ZBTB44: variants seen among roughly 807,000 people sequenced by gnomAD.
ZBTB44 encodes zinc finger and BTB domain-containing protein 44.
ZBTB44 carries 15 observed loss-of-function variants against 54.0 expected under a neutral mutation model. The observed-to-expected ratio is 0.28, with a 90% CI of 0.19 to 0.43. ZBTB44 has a LOEUF of 0.43. Among genes scored for constraint, ZBTB44 ranks in the 20% least tolerant of loss-of-function variants. ZBTB44 has a pLI of 1.00. For synonymous variants in ZBTB44, 230 were observed against 250.1 expected (o/e 0.92, Z 0.76); for missense variants, 487 against 707.1 (o/e 0.69, Z 3.53).
intron 2 of ZBTB44, among the ~76,000 whole-genome samples, chr11:130,256,506 T>A (rs1938457042): frequency 6.6e-6 from 1 of 151,910 alleles, no homozygotes; most frequent in Non-Finnish European, 1.5e-5. Flanking sequence ...TGAAATCCCA[T>A]CTCTACTAAA....
chr11:130,282,340 AC>A (rs1323672456), intron 1 of ZBTB44, among the ~76,000 whole-genome samples: 1 of 152,098 alleles, frequency 6.6e-6, no homozygotes, highest in African/African-American at 2.4e-5. Flanking sequence ...TCACTGTTCT[AC>A]TTTCTGTCTC....
intron 1 of ZBTB44, among the ~76,000 whole-genome samples, chr11:130,303,220 AC>A (rs1175154318): frequency 6.6e-6 from 1 of 152,250 alleles, no homozygotes; most frequent in East Asian, 1.9e-4. Flanking sequence ...TAGTAGTTCC[AC>A]AAAAACTAGA....
intron 1 of ZBTB44, among the ~76,000 whole-genome samples, chr11:130,276,001 T>C (rs1197691087): frequency 6.7e-6 from 1 of 150,008 alleles, no homozygotes; most frequent in Admixed American, 6.6e-5. Flanking sequence ...CCAAAGCGGG[T>C]GATCACCTGA....
chr11:130,272,253 G>A (rs980855773), intron 1 of ZBTB44, among the ~76,000 whole-genome samples: 1 of 152,110 alleles, frequency 6.6e-6, no homozygotes, highest in African/African-American at 2.4e-5. Flanking sequence ...AGTGTATGAG[G>A]ATTCTGATTT....
chr11:130,256,911 G>A (rs1020112211), intron 2 of ZBTB44, among the ~76,000 whole-genome samples: 1 of 152,076 alleles, frequency 6.6e-6, no homozygotes, highest in Non-Finnish European at 1.5e-5. Flanking sequence ...AATCAGGCAA[G>A]AGAAAGAAAG....
At chr11:130,252,458 A>G (rs1656919477) in intron 2 of ZBTB44, among the ~76,000 whole-genome samples, 1 of 152,228 alleles carries the variant, frequency 6.6e-6, no homozygotes, top group Non-Finnish European at 1.5e-5. Flanking sequence ...TCCACCACAA[A>G]TCAACAGAAT....
chr11:130,267,443 T>C (rs529570050), intron 1 of ZBTB44, among the ~76,000 whole-genome samples: 2 of 152,148 alleles, frequency 1.3e-5, no homozygotes, highest in African/African-American at 4.8e-5. Flanking sequence ...TCTCACTCTG[T>C]CACCCAGGCT....
intron 1 of ZBTB44, among the ~76,000 whole-genome samples, chr11:130,299,945 G>A (rs1413266912): frequency 6.6e-6 from 1 of 152,036 alleles, no homozygotes; most frequent in Non-Finnish European, 1.5e-5. Context: ...AATGAGATGT[G>A]GCATAAATAC....
Position 130,228,084 on chromosome 11 carries a change from C to G in ZBTB44, c.*3680G>C, listed in dbSNP as rs986209627. ...CACAAAGAAGCCATATACTATCCTC[C>G]AAGTTGGACATAAGGTGCCACAAGG... On this transcript the variant is annotated 3_prime_UTR_variant, in exon 8 of 8. Transcript: ENST00000357899. 5.9e-5 allele frequency: 9 copies of G among 152,116 alleles called. No homozygotes were observed. The highest frequency in any genetic ancestry group is 8.8e-5 in the Non-Finnish European group (6 of 68,018). 9.4% of individuals were successfully genotyped at this position (152,116 alleles called of 1,614,324 possible).
chr11:130,252,279 G>A (rs1392359718), intron 2 of ZBTB44, among the ~76,000 whole-genome samples: 1 of 152,100 alleles, frequency 6.6e-6, no homozygotes, highest in Non-Finnish European at 1.5e-5. Flanking sequence ...CATAAAACAA[G>A]TTCTTAGAGA....
chr11:130,298,164 G>C (rs544304215), intron 1 of ZBTB44, among the ~76,000 whole-genome samples: 1 of 150,392 alleles, frequency 6.6e-6, no homozygotes, highest in East Asian at 1.9e-4. Flanking sequence ...TTTTTTTTGA[G>C]ATAGGGTCTT....
chr11:130,259,235 T>C (rs951136545), intron 2 of ZBTB44, among the ~76,000 whole-genome samples: 36 of 152,156 alleles, frequency 2.4e-4, no homozygotes, highest in Admixed American at 2.3e-3. Flanking sequence ...TTAAATTTCA[T>C]ATGGAAATTT....
intron 2 of ZBTB44, among the ~76,000 whole-genome samples, chr11:130,244,611 G>A (rs1395617952): frequency 1.3e-5 from 2 of 149,168 alleles, no homozygotes; most frequent in Admixed American, 6.7e-5. Flanking sequence ...AGCTTGCAGT[G>A]AGCCAAGATT....
At chr11:130,289,584 C>T (rs562920495) in intron 1 of ZBTB44, among the ~76,000 whole-genome samples, 1 of 150,284 alleles carries the variant, frequency 6.7e-6, no homozygotes, top group South Asian at 2.1e-4. Context: ...AGTTAGGTTT[C>T]CTTGCAGACT....
chr11:130,256,413 C>T (rs1938449287), intron 2 of ZBTB44, among the ~76,000 whole-genome samples: 1 of 152,212 alleles, frequency 6.6e-6, no homozygotes, highest in Non-Finnish European at 1.5e-5. Flanking sequence ...CGTGGTGGCT[C>T]ACGCCTGTAA....
At chr11:130,287,478 C>T (rs915555348) in intron 1 of ZBTB44, among the ~76,000 whole-genome samples, 11 of 151,996 alleles carry the variant, frequency 7.2e-5, no homozygotes, top group African/African-American at 2.2e-4. Context: ...CCAGCATGTT[C>T]GATAAGCACA....
chr11:130,262,739 G>GAA (rs112468499), intron 1 of ZBTB44, among the ~76,000 whole-genome samples: 2 of 145,084 alleles, frequency 1.4e-5, no homozygotes, highest in Admixed American at 6.9e-5. Context: ...GAAGTGGAAA[G>GAA]AAAAAAAAAA....
At chr11:130,235,264 G>GTGTT (rs1381025689) in intron 5 of ZBTB44, among the ~76,000 whole-genome samples, 2 of 152,106 alleles carry the variant, frequency 1.3e-5, no homozygotes, top group Non-Finnish European at 2.9e-5. Context: ...CTTCATTCAG[G>GTGTT]TGTTAGAGAA....
At chr11:130,267,482 C>T (rs917387136) in intron 1 of ZBTB44, among the ~76,000 whole-genome samples, 4 of 151,808 alleles carry the variant, frequency 2.6e-5, no homozygotes, top group South Asian at 2.1e-4. Flanking sequence ...CATGGCTCAC[C>T]GTAGCCTTGA....
Sources: gnomAD v4.1 joint callset for allele counts (sites outside exome capture counted in the v4.1 genomes callset) on GRCh38, gnomAD v4.1.1 for gene constraint, MANE v1.5 for transcripts, NCBI Gene and HGNC (gene_info 2026-07-23, HGNC 2026-07-21) for gene names.